FANCC: variants seen among roughly 807,000 people sequenced by gnomAD.
The protein encoded by FANCC is FA complementation group C.
A neutral mutation model predicts 71.3 loss-of-function variants in FANCC; 55 were observed. That is an observed-to-expected ratio of 0.77 (90% CI 0.62 to 0.97). The LOEUF (loss-of-function observed/expected upper bound fraction) is 0.97, where lower values mean the gene tolerates loss of function less well. FANCC is among the 50% of genes least tolerant of loss of function. The pLI, the probability that FANCC is intolerant of heterozygous loss-of-function variation, is 0.00. For synonymous variants in FANCC, 275 were observed against 244.9 expected (o/e 1.12, Z -1.15); for missense variants, 678 against 670.9 (o/e 1.01, Z -0.12).
At chr9:95,316,732 T>C (rs1268771791) in intron 1 of FANCC, 2 of 152,238 alleles carry the variant, frequency 1.3e-5, no homozygotes, top group African/African-American at 4.8e-5. Context: ...TCCAAGTCTT[T>C]TCCCCCATTC....
chr9:95,105,053 C>T (rs1373938341), intron 14 of FANCC, among the ~76,000 whole-genome samples: 1 of 152,238 alleles, frequency 6.6e-6, no homozygotes, highest in Non-Finnish European at 1.5e-5. Context: ...CGAAAGCATT[C>T]TCGCTGTGCT....
At chr9:95,266,159 A>G (rs910457268) in intron 1 of FANCC, among the ~76,000 whole-genome samples, 2 of 152,242 alleles carry the variant, frequency 1.3e-5, no homozygotes, top group African/African-American at 2.4e-5. Flanking sequence ...AGCTCCCAGT[A>G]TTATCTAAAG....
In FANCC at chr9:95,212,364, C is replaced by G. The variant is rs141847526; in HGVS notation, c.345+28285G>C. ...ATAAAGAAAAAATTCTTAAAAGCAGCCTAAGTAGAAAAAGATACAGATGAA... is the reference window on the plus strand; with the variant it reads ...ATAAAGAAAAAATTCTTAAAAGCAGGCTAAGTAGAAAAAGATACAGATGAA... On this transcript the variant is annotated intron_variant, in intron 4 of 14. Transcript: ENST00000289081. Among the ~76,000 whole-genome samples, 549 of 151,912 alleles carry G rather than the reference C, an allele frequency of 3.6e-3. 5 individuals carry two copies. The highest frequency in any genetic ancestry group is 0.012 in the African/African-American group (516 of 41,436).
intron 1 of FANCC, among the ~76,000 whole-genome samples, chr9:95,306,868 TTTTA>T (rs977807371): frequency 2.0e-5 from 3 of 152,102 alleles, no homozygotes; most frequent in African/African-American, 7.2e-5. Flanking sequence ...CTTTTCTAAT[TTTTA>T]TTTATTTATT....
intron 4 of FANCC, among the ~76,000 whole-genome samples, chr9:95,218,269 A>C (rs1213069625): frequency 6.6e-6 from 1 of 152,156 alleles, no homozygotes; most frequent in Non-Finnish European, 1.5e-5. Flanking sequence ...GTTCGAGACT[A>C]GCCTGGGCAA....
intron 1 of FANCC, among the ~76,000 whole-genome samples, chr9:95,299,774 T>C (rs961729898): frequency 1.3e-5 from 2 of 152,024 alleles, no homozygotes; most frequent in East Asian, 3.9e-4. Flanking sequence ...GGTGGGAGAA[T>C]TGTTTAAGCC....
chr9:95,193,914 G>A (rs925187153), intron 4 of FANCC, among the ~76,000 whole-genome samples: 4 of 152,124 alleles, frequency 2.6e-5, no homozygotes, highest in Admixed American at 1.3e-4. Context: ...TAAAGGTGAG[G>A]CCCAGGAACC....
intron 6 of FANCC, among the ~76,000 whole-genome samples, chr9:95,154,216 A>G (rs1040278748): frequency 5.1e-5 from 7 of 136,984 alleles, no homozygotes; most frequent in Admixed American, 1.6e-4. Context: ...ACTGCATTCC[A>G]GCCAGGGTGA....
At position 95,314,652 on chromosome 9, in the gene FANCC, C is replaced by CA. The variant is rs200355051; in HGVS notation, c.-79+2873dup. Among the ~76,000 whole-genome samples, 639 of 136,660 alleles carry CA rather than the reference C, an allele frequency of 4.7e-3. 2 individuals carry two copies. Among genetic ancestry groups the CA allele is most frequent in the African/African-American group, 0.013 (471 of 36,744 alleles). 89.7% of individuals were successfully genotyped at this position (136,660 alleles called of 152,430 possible). ...GGGCAAACAGAGCGAGACTCTGTCT[C>CA]AAAAAAAAAACAAAAAACTTGCTTT... On this transcript the variant is annotated intron_variant, in intron 1 of 14. Transcript: ENST00000289081.
At chr9:95,227,693 T>C (rs1022920589) in intron 4 of FANCC, among the ~76,000 whole-genome samples, 1 of 152,210 alleles carries the variant, frequency 6.6e-6, no homozygotes, top group Non-Finnish European at 1.5e-5. Context: ...CCCTTTCAAT[T>C]AAAAGTTTTG....
At chr9:95,188,590 T>A (rs996315642) in intron 4 of FANCC, among the ~76,000 whole-genome samples, 3 of 152,222 alleles carry the variant, frequency 2.0e-5, no homozygotes, top group African/African-American at 7.2e-5. Context: ...ATTGCTCCTG[T>A]CCATAATTTC....
chr9:95,180,101 G>A (rs1055070502), intron 4 of FANCC, among the ~76,000 whole-genome samples: 1 of 152,118 alleles, frequency 6.6e-6, no homozygotes, highest in Admixed American at 6.5e-5. Flanking sequence ...TGCATATTAT[G>A]TATCAATAAA....
At chr9:95,268,913 CCT>C (rs1253528460) in intron 1 of FANCC, among the ~76,000 whole-genome samples, 1 of 152,162 alleles carries the variant, frequency 6.6e-6, no homozygotes, top group Non-Finnish European at 1.5e-5. Context: ...GCTCTCAGAA[CCT>C]CTCCAAAGCC....
At chr9:95,281,664 T>G (rs769837868) in intron 1 of FANCC, among the ~76,000 whole-genome samples, 17 of 152,138 alleles carry the variant, frequency 1.1e-4, no homozygotes, top group Non-Finnish European at 2.5e-4. Context: ...AATGGTGGTA[T>G]GTACATCATA....
intron 6 of FANCC, among the ~76,000 whole-genome samples, chr9:95,158,542 A>T (rs1002180370): frequency 2.6e-5 from 4 of 152,204 alleles, no homozygotes; most frequent in African/African-American, 9.7e-5. Flanking sequence ...TATCTTTATG[A>T]GAATTTACTA....
At chr9:95,254,608 C>T (rs1831546875) in intron 1 of FANCC, among the ~76,000 whole-genome samples, 1 of 152,222 alleles carries the variant, frequency 6.6e-6, no homozygotes, top group Admixed American at 6.5e-5. Flanking sequence ...CCCTTGGGTG[C>T]CTACACCACC....
chr9:95,294,598 C>T, intron 1 of FANCC: 2 of 1,554,058 alleles, frequency 1.3e-6, no homozygotes, highest in South Asian at 1.1e-5. Flanking sequence ...TATACCTGCT[C>T]TAGAAAGCAA....
intron 8 of FANCC, among the ~76,000 whole-genome samples, chr9:95,129,510 G>A (rs764228862): frequency 7.2e-5 from 11 of 152,180 alleles, no homozygotes; most frequent in Non-Finnish European, 1.0e-4. Flanking sequence ...GGGGCACTCC[G>A]GTAACACACC....
chr9:95,124,857 A>C (rs778423897), intron 10 of FANCC, among the ~76,000 whole-genome samples: 2 of 152,186 alleles, frequency 1.3e-5, no homozygotes, highest in Non-Finnish European at 2.9e-5. Context: ...CAGAGTTCTC[A>C]GACATAATAG....
Sources: allele counts gnomAD v4.1 joint callset (sites outside exome capture counted in the v4.1 genomes callset), GRCh38; gene constraint gnomAD v4.1.1; transcripts MANE v1.5; gene names NCBI Gene and HGNC (gene_info 2026-07-23, HGNC 2026-07-21).